Variants in PCNX1 observed in about 807,000 individuals in gnomAD.
The protein encoded by PCNX1 is pecanex 1, also known as pecanex-like protein 1.
In PCNX1, 78 loss-of-function variants were observed where a neutral mutation model predicts 242.2. That is an observed-to-expected ratio of 0.32 (90% CI 0.27 to 0.39). PCNX1 has a LOEUF of 0.39. Ranked by LOEUF, PCNX1 falls within the 10% of genes least tolerant of loss-of-function variation. PCNX1 has a pLI of 1.00. For synonymous variants in PCNX1, 1,024 were observed against 1,032.9 expected, an observed-to-expected ratio of 0.99 and a Z score of 0.17; for missense variants, 2,581 against 2,856.5, an observed-to-expected ratio of 0.90 and a Z score of 2.20.
Position 70,978,557 on chromosome 14 carries a change from T to C in PCNX1, c.2220T>C (p.Ala740=), listed in dbSNP as rs755447533. 6.2e-7 allele frequency: 1 copy of C among 1,614,114 alleles called. No homozygotes were observed. Among genetic ancestry groups the C allele is most frequent in the Non-Finnish European group, 8.5e-7 (1 of 1,179,998 alleles). Residue 740 remains alanine, a synonymous_variant, in exon 6 of 36, where the codon GCT becomes GCC. Coordinates refer to ENST00000304743, the MANE Select transcript of PCNX1 (RefSeq NM_014982.3). The stretch of plus-strand genomic sequence containing the variant: ...ATGAGCTATCTTTATTAGGACGGGC[T>C]TCCCAGTTAGAGACAGTCACTCGAT... ...VLDELSLLGR[A]SQLETVTRSR...
At chr14:71,041,488 T>C (rs1393042769) in intron 19 of PCNX1, among the ~76,000 whole-genome samples, 1 of 152,144 alleles carries the variant, frequency 6.6e-6, no homozygotes, top group African/African-American at 2.4e-5. Context: ...TATTCACATA[T>C]AGTTACTCAT....
intron 27 of PCNX1, among the ~76,000 whole-genome samples, chr14:71,075,080 G>A (rs2061682623): frequency 7.2e-6 from 1 of 138,396 alleles, no homozygotes; most frequent in Admixed American, 7.9e-5. Flanking sequence ...CTGCAGCCTT[G>A]ACCTCCAGGG....
Position 71,073,679 on chromosome 14 carries a change from G to T in PCNX1, c.4987G>T (p.Ala1663Ser), listed in dbSNP as rs1474211044. 1 of 1,614,068 alleles carries T rather than the reference G, an allele frequency of 6.2e-7. No homozygotes were observed. The highest frequency in any genetic ancestry group is 8.5e-7 in the Non-Finnish European group (1 of 1,179,970). ...FNAAFSQRWL[A>S]WEVIVTKYIL... is the part of the protein sequence containing the mutation. ...TGCTGCATTTAGCCAGCGATGGCTA[G>T]CTTGGGAAGTGATAGTCACAAAGTA... Residue 1663 changes from alanine (A) to serine (S), a missense_variant, in exon 27 of 36, where the codon GCT becomes TCT. This residue lies in a region of PCNX1 where 298 missense variants were observed against 480.1 expected (regional missense o/e 0.62). Coordinates refer to ENST00000304743, the MANE Select transcript of PCNX1 (RefSeq NM_014982.3).
chr14:70,959,652 C>T (rs1007766223), intron 2 of PCNX1, among the ~76,000 whole-genome samples: 5 of 150,754 alleles, frequency 3.3e-5, no homozygotes, highest in Admixed American at 1.3e-4. Flanking sequence ...GGGTTGGTTC[C>T]AAGTCTTTGC....
At chr14:70,931,552 C>G (rs982520679) in intron 1 of PCNX1, among the ~76,000 whole-genome samples, 6 of 152,284 alleles carry the variant, frequency 3.9e-5, no homozygotes, top group African/African-American at 7.2e-5. Flanking sequence ...TGTGTTTTCC[C>G]CATGTCTAGG....
At chr14:71,098,666 C>T (rs189157718) in intron 30 of PCNX1, among the ~76,000 whole-genome samples, 30 of 152,188 alleles carry the variant, frequency 2.0e-4, no homozygotes, top group African/African-American at 7.2e-4. Flanking sequence ...ATTTTGTATG[C>T]TGAAACTTGA....
At chr14:71,019,664 T>C (rs1383267536) in intron 12 of PCNX1, among the ~76,000 whole-genome samples, 1 of 152,120 alleles carries the variant, frequency 6.6e-6, no homozygotes, top group Admixed American at 6.6e-5. Context: ...CTTCCCAAAG[T>C]ACTGGGATTA....
chr14:70,960,748 T>A (rs937776047), intron 2 of PCNX1, among the ~76,000 whole-genome samples: 1 of 152,152 alleles, frequency 6.6e-6, no homozygotes, highest in Non-Finnish European at 1.5e-5. Context: ...GGTGATATGA[T>A]TGTATATCTA....
intron 30 of PCNX1, among the ~76,000 whole-genome samples, chr14:71,096,254 GT>G (rs745464828): frequency 6.6e-6 from 1 of 152,108 alleles, no homozygotes; most frequent in Non-Finnish European, 1.5e-5. Context: ...GGAGGCAGAG[GT>G]TGCAGTGAGC....
intron 26 of PCNX1, chr14:71,060,772 A>G (rs566506446): frequency 6.6e-6 from 1 of 152,336 alleles, no homozygotes; most frequent in East Asian, 1.9e-4. Context: ...TAAATCATAC[A>G]TGGAGAAACT....
At chr14:70,928,845 T>G (rs552343308) in intron 1 of PCNX1, among the ~76,000 whole-genome samples, 21 of 152,216 alleles carry the variant, frequency 1.4e-4, no homozygotes, top group Non-Finnish European at 2.5e-4. Context: ...CTGCTTTATT[T>G]TAATAACCAG....
chr14:71,084,722 A>T (rs954822911), intron 28 of PCNX1, among the ~76,000 whole-genome samples: 1 of 152,208 alleles, frequency 6.6e-6, no homozygotes, highest in African/African-American at 2.4e-5. Context: ...ATCCCAGGTC[A>T]ACTTCAGACT....
At chr14:70,951,715 C>G (rs1020932797) in intron 2 of PCNX1, among the ~76,000 whole-genome samples, 2 of 151,966 alleles carry the variant, frequency 1.3e-5, no homozygotes, top group African/African-American at 2.4e-5. Context: ...CATATACTTA[C>G]TTTTGTGAGA....
chr14:71,074,990 C>CTTTTTTTTT (rs900279128), intron 27 of PCNX1, among the ~76,000 whole-genome samples: 2 of 101,108 alleles, frequency 2.0e-5, no homozygotes, highest in African/African-American at 3.8e-5. Flanking sequence ...CTTTTCTTCT[C>CTTTTTTTTT]TTTTTTTTTT....
In PCNX1 at chr14:71,033,504, C is replaced by T; in HGVS notation, c.3634C>T (p.Leu1212Phe). The T allele has an allele frequency of 1.2e-6, 2 of 1,603,096 alleles. No homozygotes were observed. The highest frequency in any genetic ancestry group is 1.7e-6 in the Non-Finnish European group (2 of 1,170,220). Residue 1212 changes from leucine (L) to phenylalanine (F), a missense_variant, in exon 17 of 36, where the codon CTC becomes TTC. Around this residue, in one of 9 missense-constraint regions of PCNX1, gnomAD observed 432 missense variants for 443.1 expected, o/e 0.97. Transcript: ENST00000304743. ...TTTATTAGTGGCAGTGTCTTACCAT[C>T]TCAGCCGACAAAGCAGTGATCCATC... ...CGLLVAVSYH[L>F]SRQSSDPSVL...
intron 30 of PCNX1, among the ~76,000 whole-genome samples, chr14:71,098,265 T>A (rs1031645712): frequency 6.6e-6 from 1 of 152,324 alleles, no homozygotes; most frequent in South Asian, 2.1e-4. Context: ...CTGTTCAGGC[T>A]CTTTTTTTGC....
At chr14:71,015,535 G>A (rs762635451) in intron 11 of PCNX1, among the ~76,000 whole-genome samples, 6 of 152,074 alleles carry the variant, frequency 3.9e-5, no homozygotes, top group Admixed American at 6.6e-5. Context: ...GCTGGACGCC[G>A]TGGTAATCCC....
At chr14:71,109,742 G>A in intron 35 of PCNX1, 53 bp from the exon 36 acceptor site, 3 of 1,596,250 alleles carry the variant, frequency 1.9e-6, no homozygotes, top group Non-Finnish European at 1.7e-6. Context: ...AAGAGTTTGT[G>A]AGTATATTCC....
At chr14:70,933,979 G>A (rs1225056188) in intron 1 of PCNX1, among the ~76,000 whole-genome samples, 2 of 152,204 alleles carry the variant, frequency 1.3e-5, no homozygotes, top group East Asian at 1.9e-4. Flanking sequence ...CAGTGGTGAA[G>A]GAGATAGTGA....
Sources: gnomAD v4.1 joint callset for allele counts (sites outside exome capture counted in the v4.1 genomes callset) on GRCh38, gnomAD v4.1.1 for gene constraint, gnomAD v4.1.1 regional missense constraint, MANE v1.5 for transcripts, NCBI Gene and HGNC (gene_info 2026-07-23, HGNC 2026-07-21) for gene names.